The following PRUNE2 variants were observed in gnomAD, a reference collection of about 807,000 sequenced individuals.
PRUNE2 encodes protein prune homolog 2.
A neutral mutation model predicts 252.0 loss-of-function variants in PRUNE2; 164 were observed. That is an observed-to-expected ratio of 0.65 (90% CI 0.57 to 0.74). The LOEUF is 0.74. Ranked by LOEUF, PRUNE2 falls within the 30% of genes least tolerant of loss-of-function variation. The pLI, the probability that PRUNE2 is intolerant of heterozygous loss-of-function variation, is 0.00. For synonymous variants in PRUNE2, 1,292 were observed against 1,350.2 expected (o/e 0.96, Z 0.94); for missense variants, 3,495 against 3,711.0 (o/e 0.94, Z 1.51).
Position 76,717,827 on chromosome 9 carries a change from T to C in PRUNE2, c.757-4106A>G, listed in dbSNP as rs568575981. Among the ~76,000 whole-genome samples, 4 of 152,260 alleles carry C rather than the reference T, an allele frequency of 2.6e-5. No homozygotes were observed. In the South Asian group the frequency reaches 8.3e-4, roughly 32 times the overall value. ...TGCCAGCAGTTAGGGAGAATGGCAA[T>C]TGCTCCCTGTCACAGCCCTTTGTCA... On this transcript the variant is annotated intron_variant, in intron 6 of 18. Coordinates refer to ENST00000376718, the MANE Select transcript of PRUNE2 (RefSeq NM_015225.3).
intron 15 of PRUNE2, among the ~76,000 whole-genome samples, chr9:76,631,476 C>T (rs1217663995): frequency 6.6e-6 from 1 of 152,210 alleles, no homozygotes; most frequent in African/African-American, 2.4e-5. Flanking sequence ...TGCAGATTAT[C>T]AGCTTTCACT....
chr9:76,877,336 C>T (rs1038555026), intron 1 of PRUNE2, among the ~76,000 whole-genome samples: 1 of 152,136 alleles, frequency 6.6e-6, no homozygotes, highest in Non-Finnish European at 1.5e-5. Context: ...GAAACCCCAT[C>T]TCTACTAAAA....
At chr9:76,881,070 C>T (rs943876139) in intron 1 of PRUNE2, among the ~76,000 whole-genome samples, 16 of 151,448 alleles carry the variant, frequency 1.1e-4, no homozygotes, top group Non-Finnish European at 1.9e-4. Flanking sequence ...TGGGTTCAAG[C>T]GATTTTTCTT....
At chr9:76,731,132 A>G (rs2048529223) in intron 6 of PRUNE2, among the ~76,000 whole-genome samples, 1 of 152,094 alleles carries the variant, frequency 6.6e-6, no homozygotes, top group Non-Finnish European at 1.5e-5. Flanking sequence ...TGGGGCTTTC[A>G]TATTTCATAT....
chr9:76,634,334 G>C (rs967248079), intron 15 of PRUNE2, among the ~76,000 whole-genome samples: 1 of 152,132 alleles, frequency 6.6e-6, no homozygotes, highest in African/African-American at 2.4e-5. Flanking sequence ...AGTAACAAAT[G>C]TTTTCTTATT....
intron 6 of PRUNE2, among the ~76,000 whole-genome samples, chr9:76,755,518 G>A (rs904624939): frequency 6.6e-6 from 1 of 152,102 alleles, no homozygotes; most frequent in Non-Finnish European, 1.5e-5. Flanking sequence ...TAGTGGGGGT[G>A]TGGACAAAGA....
intron 6 of PRUNE2, among the ~76,000 whole-genome samples, chr9:76,822,195 C>T (rs2058072121): frequency 6.6e-6 from 1 of 152,250 alleles, no homozygotes; most frequent in East Asian, 1.9e-4. Flanking sequence ...AATTGATTCA[C>T]ATCAATAACT....
At chr9:76,668,688 G>A (rs991545762) in intron 9 of PRUNE2, among the ~76,000 whole-genome samples, 1 of 151,894 alleles carries the variant, frequency 6.6e-6, no homozygotes, top group Non-Finnish European at 1.5e-5. Context: ...GAGGGCCTGT[G>A]GGGCCTCCCC....
At chr9:76,886,600 C>T (rs559441468) in intron 1 of PRUNE2, among the ~76,000 whole-genome samples, 1 of 152,314 alleles carries the variant, frequency 6.6e-6, no homozygotes, top group Admixed American at 6.5e-5. Flanking sequence ...AACCACACAA[C>T]TTCCCCACCC....
At chr9:76,724,965 T>C (rs2047984734) in intron 6 of PRUNE2, among the ~76,000 whole-genome samples, 1 of 152,140 alleles carries the variant, frequency 6.6e-6, no homozygotes, top group African/African-American at 2.4e-5. Context: ...TTTGAAATGG[T>C]AGAACCTGGG....
chr9:76,704,651 A>T, intron 8 of PRUNE2, 110 bp downstream of exon 8: 1 of 750,340 alleles, frequency 1.3e-6, no homozygotes, highest in Non-Finnish European at 2.2e-6. Flanking sequence ...TTGAAAATGT[A>T]GTTAGTTTTC....
At chr9:76,835,311 C>T (rs1210281861) in intron 4 of PRUNE2, among the ~76,000 whole-genome samples, 1 of 150,918 alleles carries the variant, frequency 6.6e-6, no homozygotes, top group Admixed American at 6.6e-5. Flanking sequence ...TTTTCTTTTA[C>T]ATAGGATTGA....
At chr9:76,640,002 T>C (rs1426188125) in intron 12 of PRUNE2, among the ~76,000 whole-genome samples, 1 of 152,250 alleles carries the variant, frequency 6.6e-6, no homozygotes, top group Admixed American at 6.5e-5. Context: ...ATATGGAATG[T>C]CATGCATCTT....
intron 6 of PRUNE2, among the ~76,000 whole-genome samples, chr9:76,764,789 A>G (rs1461690921): frequency 6.6e-6 from 1 of 152,138 alleles, no homozygotes; most frequent in African/African-American, 2.4e-5. Flanking sequence ...TTTTGGAGTG[A>G]ACAAGCTATT....
intron 4 of PRUNE2, among the ~76,000 whole-genome samples, chr9:76,833,375 A>C (rs1232988661): frequency 2.6e-5 from 4 of 152,228 alleles, no homozygotes. Context: ...TCAAGTAGTA[A>C]AACTACTTCA....
At chr9:76,800,026 A>G (rs1254635164) in intron 6 of PRUNE2, among the ~76,000 whole-genome samples, 1 of 152,138 alleles carries the variant, frequency 6.6e-6, no homozygotes, top group African/African-American at 2.4e-5. Flanking sequence ...CAAAGACCCC[A>G]GATGAAAATC....
intron 6 of PRUNE2, among the ~76,000 whole-genome samples, chr9:76,802,090 C>T (rs1450567465): frequency 6.6e-6 from 1 of 151,938 alleles, no homozygotes; most frequent in Non-Finnish European, 1.5e-5. Flanking sequence ...TCTCAACTCT[C>T]CAAAATGATG....
At position 76,638,376 on chromosome 9, in the gene PRUNE2, G is replaced by T. The variant is rs76760443; in HGVS notation, c.8729-88C>A. On this transcript the variant is annotated intron_variant, in intron 12 of 18. Coordinates refer to ENST00000376718, the MANE Select transcript of PRUNE2 (RefSeq NM_015225.3). ...CCTAATGGATAAATATGAAGCCTTG[G>T]CAAGTGTGTCTTTGTGGGTATATTA... 190 of 869,386 alleles carry T rather than the reference G, an allele frequency of 2.2e-4. No individual in the cohort carries two copies. In the East Asian group the frequency reaches 4.8e-3, roughly 22 times the overall value. 53.9% of individuals were successfully genotyped at this position (869,386 alleles called of 1,614,324 possible).
intron 6 of PRUNE2, among the ~76,000 whole-genome samples, chr9:76,813,154 C>T (rs145562396): frequency 1.3e-5 from 2 of 152,198 alleles, no homozygotes; most frequent in Admixed American, 6.5e-5. Context: ...AGCATTTACG[C>T]TATGGAAATT....
Sources: allele counts gnomAD v4.1 joint callset (sites outside exome capture counted in the v4.1 genomes callset), GRCh38; gene constraint gnomAD v4.1.1; transcripts MANE v1.5; gene names NCBI Gene and HGNC (gene_info 2026-07-23, HGNC 2026-07-21).